Variants in SENP1 observed in about 807,000 individuals in gnomAD.
SENP1 encodes the protein sentrin-specific protease 1.
In SENP1, 21 loss-of-function variants were observed where a neutral mutation model predicts 93.0. The observed-to-expected ratio is 0.23, with a 90% confidence interval of 0.16 to 0.33. SENP1 has a LOEUF of 0.33. Among genes scored for constraint, SENP1 ranks in the 10% least tolerant of loss-of-function variants. The probability of loss-of-function intolerance (pLI) is 1.00; values close to 1 mark genes in which losing one functional copy is unlikely to be tolerated. For synonymous variants in SENP1, 256 were observed against 259.6 expected, an observed-to-expected ratio of 0.99 and a Z score of 0.13; for missense variants, 591 against 758.7, an observed-to-expected ratio of 0.78 and a Z score of 2.60.
chr12:48,063,957 A>G, intron 12 of SENP1, 116 bp from the exon 13 acceptor site: 1 of 1,004,468 alleles, frequency 1.0e-6, no homozygotes, highest in South Asian at 1.8e-5. Flanking sequence ...ATTGTTTATA[A>G]ATTTACTGTT....
intron 12 of SENP1, 31 bp downstream of exon 12, chr12:48,065,031 TTAG>T (rs765387135): frequency 7.1e-7 from 1 of 1,412,348 alleles, no homozygotes; most frequent in African/African-American, 1.4e-5. Flanking sequence ...AACATGATAC[TTAG>T]TAGTGTAGAA....
intron 9 of SENP1, among the ~76,000 whole-genome samples, chr12:48,069,732 C>T (rs1325794015): frequency 6.6e-6 from 1 of 152,130 alleles, no homozygotes; most frequent in Non-Finnish European, 1.5e-5. Flanking sequence ...TCCAAAGCTA[C>T]ATGAAGCCTT....
At chr12:48,058,718 G>T (rs568042114) in intron 13 of SENP1, among the ~76,000 whole-genome samples, 126 of 152,210 alleles carry the variant, frequency 8.3e-4, no homozygotes, top group African/African-American at 3.0e-3. Context: ...TCTTCTAGAG[G>T]TATGAAAAAA....
At chr12:48,098,147 T>A in intron 2 of SENP1, 23 bp from the exon 3 acceptor site, 1 of 1,598,368 alleles carries the variant, frequency 6.3e-7, no homozygotes, top group Non-Finnish European at 8.5e-7. Context: ...TCTGGATTAG[T>A]TCAAGTCACA....
chr12:48,070,732 C>T (rs1192137724), intron 9 of SENP1, among the ~76,000 whole-genome samples: 1 of 152,052 alleles, frequency 6.6e-6, no homozygotes, highest in African/African-American at 2.4e-5. Context: ...TCATTAAACC[C>T]CTTTAATGAA....
intron 6 of SENP1, chr12:48,080,231 T>A (rs1197902699): frequency 1.3e-5 from 2 of 152,254 alleles, no homozygotes; most frequent in African/African-American, 4.8e-5. Context: ...ATGTGGCTAA[T>A]GAATACTTAA....
intron 6 of SENP1, among the ~76,000 whole-genome samples, chr12:48,077,393 T>C (rs147117488): frequency 1.2e-3 from 180 of 152,332 alleles, no homozygotes; most frequent in East Asian, 4.2e-3. Context: ...GTTTTAGAGT[T>C]TCTAGTCTTA....
rs556356133 is a variant in SENP1 at position 48,079,482 on chromosome 12, G to A, written c.552+4109C>T. Among the ~76,000 whole-genome samples, 270 of 152,266 alleles carry A rather than the reference G, an allele frequency of 1.8e-3. 1 individual carries two copies. Among genetic ancestry groups the A allele is most frequent in the African/African-American group, 6.3e-3 (262 of 41,564 alleles). On this transcript the variant is annotated intron_variant, in intron 6 of 17. Coordinates refer to ENST00000549518, the MANE Select transcript of SENP1 (RefSeq NM_001267594.2). ...CCACTGCACTCCAGCTGGGGCAAGAGAACAAGACTCCGTCTCAAATAAAAA... is the reference window on the plus strand; with the variant it reads ...CCACTGCACTCCAGCTGGGGCAAGAAAACAAGACTCCGTCTCAAATAAAAA...
intron 6 of SENP1, among the ~76,000 whole-genome samples, chr12:48,075,478 C>A (rs1944001699): frequency 6.6e-6 from 1 of 152,160 alleles, no homozygotes; most frequent in Non-Finnish European, 1.5e-5. Context: ...AGAAAAATCA[C>A]AAGGAAGTAA....
At chr12:48,082,673 T>C (rs1592416915) in intron 6 of SENP1, among the ~76,000 whole-genome samples, 1 of 152,252 alleles carries the variant, frequency 6.6e-6, no homozygotes, top group Non-Finnish European at 1.5e-5. Flanking sequence ...CATCCTATCA[T>C]GCAAATTATA....
chr12:48,046,884 G>A (rs545686279), intron 16 of SENP1, 94 bp downstream of exon 16: 312 of 789,630 alleles, frequency 4.0e-4, no homozygotes, highest in Non-Finnish European at 6.0e-4. Flanking sequence ...GGCTAGACAC[G>A]AACACAGGTG....
intron 16 of SENP1, 111 bp downstream of exon 16, chr12:48,046,867 G>A: frequency 1.5e-6 from 1 of 678,002 alleles, no homozygotes; most frequent in Admixed American, 2.8e-5. Flanking sequence ...CAACCAAGCT[G>A]AAGTCAGGCT....
At chr12:48,076,517 A>G (rs1025790770) in intron 6 of SENP1, among the ~76,000 whole-genome samples, 56 of 151,986 alleles carry the variant, frequency 3.7e-4, no homozygotes, top group African/African-American at 1.3e-3. Context: ...TTTTTAGTAC[A>G]GACAGGGTTT....
intron 1 of SENP1, 80 bp downstream of exon 1, chr12:48,105,948 G>C: frequency 1.4e-6 from 1 of 692,334 alleles, no homozygotes; most frequent in South Asian, 1.5e-5. Context: ...AGCCCGGGCC[G>C]GCTGACCGGG....
At chr12:48,074,833 C>A (rs2137047468) in intron 6 of SENP1, 40 bp from the exon 7 acceptor site, 1 of 1,291,360 alleles carries the variant, frequency 7.7e-7, no homozygotes, top group Non-Finnish European at 1.1e-6. Flanking sequence ...TAAACACATC[C>A]AATAAGGCAA....
At chr12:48,090,976 C>T (rs1005317787) in intron 4 of SENP1, among the ~76,000 whole-genome samples, 6 of 152,062 alleles carry the variant, frequency 3.9e-5, no homozygotes, top group African/African-American at 1.4e-4. Context: ...ACGAACACCA[C>T]AAAAAAGATT....
At chr12:48,079,466 T>C (rs1019898942) in intron 6 of SENP1, among the ~76,000 whole-genome samples, 1 of 152,110 alleles carries the variant, frequency 6.6e-6, no homozygotes, top group African/African-American at 2.4e-5. Context: ...GCCACTGCAC[T>C]CCAGCTGGGG....
rs1941762279 is a variant in SENP1, at chr12:48,051,013, G to A, written c.1408-1881C>T. ...GAGAGATAAGGACGGTGAAGCACAT[G>A]ACAGCCATGGAAATACATCTCCCCT... On this transcript the variant is annotated intron_variant, in intron 13 of 17. Coordinates refer to ENST00000549518, the MANE Select transcript of SENP1 (RefSeq NM_001267594.2). Among the ~76,000 whole-genome samples, 4 of 150,982 alleles carry A rather than the reference G, an allele frequency of 2.6e-5. No homozygotes were observed. The South Asian group carries it at 8.4e-4, about 32-fold the overall frequency.
At position 48,071,233 on chromosome 12, in the gene SENP1, G is replaced by A. The variant is rs112873411; in HGVS notation, c.995+434C>T. ...GCCACTAAAATAATTCAAGTAATAC[G>A]TGAGAAAGGTCTGAATTGAGGTAGT... On this transcript the variant is annotated intron_variant, in intron 9 of 17. Coordinates refer to ENST00000549518, the MANE Select transcript of SENP1 (RefSeq NM_001267594.2). Among the ~76,000 whole-genome samples the A allele has an allele frequency of 1.1e-3, 172 of 152,316 alleles. 1 individual carries two copies. The highest frequency in any genetic ancestry group is 3.6e-3 in the African/African-American group (148 of 41,566).
Sources: gnomAD v4.1 joint callset for allele counts (sites outside exome capture counted in the v4.1 genomes callset) on GRCh38, gnomAD v4.1.1 for gene constraint, MANE v1.5 for transcripts, NCBI Gene and HGNC (gene_info 2026-07-23, HGNC 2026-07-21) for gene names.